The following SLCO3A1 variants were observed in gnomAD, a reference collection of about 807,000 sequenced individuals.
SLCO3A1 encodes the protein PGE1 transporter.
Under a neutral mutation model 63.1 loss-of-function variants are expected in SLCO3A1, and 27 were observed. The observed-to-expected ratio is 0.43, with a 90% CI of 0.32 to 0.59. SLCO3A1 has a LOEUF of 0.59. SLCO3A1 is among the 20% of genes least tolerant of loss of function. The pLI, the probability that SLCO3A1 is intolerant of heterozygous loss-of-function variation, is 0.09. For synonymous variants in SLCO3A1, 473 were observed against 409.9 expected (o/e 1.15, Z -1.86); for missense variants, 773 against 945.8 (o/e 0.82, Z 2.40).
At chr15:92,009,549 T>A (rs2046347335) in intron 2 of SLCO3A1, among the ~76,000 whole-genome samples, 1 of 152,204 alleles carries the variant, frequency 6.6e-6, no homozygotes, top group African/African-American at 2.4e-5. Flanking sequence ...GACAGCAGGC[T>A]TTGACACCAT....
chr15:91,964,196 G>A (rs1001397264), intron 2 of SLCO3A1, among the ~76,000 whole-genome samples: 1 of 152,152 alleles, frequency 6.6e-6, no homozygotes, highest in Non-Finnish European at 1.5e-5. Flanking sequence ...GTAGAAACTT[G>A]TTGGAAATGT....
chr15:92,156,452 A>G (rs1225123374), intron 9 of SLCO3A1, among the ~76,000 whole-genome samples: 1 of 152,210 alleles, frequency 6.6e-6, no homozygotes, highest in Non-Finnish European at 1.5e-5. Context: ...CTCTAAAGTC[A>G]GTCACACCTG....
At chr15:92,020,149 A>C (rs1253944833) in intron 2 of SLCO3A1, among the ~76,000 whole-genome samples, 1 of 152,106 alleles carries the variant, frequency 6.6e-6, no homozygotes, top group Non-Finnish European at 1.5e-5. Flanking sequence ...CAAGTTTTTT[A>C]CCAGCCAAGT....
At chr15:92,054,570 C>G (rs1301131195) in intron 2 of SLCO3A1, among the ~76,000 whole-genome samples, 1 of 152,136 alleles carries the variant, frequency 6.6e-6, no homozygotes, top group South Asian at 2.1e-4. Flanking sequence ...GTATTAAGCC[C>G]CATATGCATT....
At chr15:91,866,388 A>G (rs1448515978) in intron 1 of SLCO3A1, among the ~76,000 whole-genome samples, 1 of 152,090 alleles carries the variant, frequency 6.6e-6, no homozygotes, top group East Asian at 1.9e-4. Context: ...CTGAAGCCCT[A>G]TCCGATTCAG....
intron 2 of SLCO3A1, among the ~76,000 whole-genome samples, chr15:91,980,297 G>A (rs1164931052): frequency 6.6e-6 from 1 of 151,926 alleles, no homozygotes; most frequent in Non-Finnish European, 1.5e-5. Context: ...TTATTTTACT[G>A]TGCTGGGTGT....
chr15:91,866,067 G>C (rs1291525596), intron 1 of SLCO3A1, among the ~76,000 whole-genome samples: 1 of 152,148 alleles, frequency 6.6e-6, no homozygotes, highest in Non-Finnish European at 1.5e-5. Context: ...AGGTAACCAT[G>C]TTACTCTCTG....
In SLCO3A1 at chr15:92,165,515, G is replaced by T; in HGVS notation, c.*2380G>T. The T allele has an allele frequency of 1.1e-6, 1 of 877,738 alleles. No homozygotes were observed. Among genetic ancestry groups the T allele is most frequent in the Non-Finnish European group, 1.4e-6 (1 of 737,782 alleles). 54.4% of individuals were successfully genotyped at this position (877,738 alleles called of 1,614,324 possible). A position where few individuals can be genotyped will look rare whatever the true frequency, so the allele number is the denominator to read the frequency against. On this transcript the variant is annotated 3_prime_UTR_variant, in exon 10 of 10. Coordinates refer to ENST00000318445, the MANE Select transcript of SLCO3A1 (RefSeq NM_013272.4). Reference sequence around the variant, plus strand: ...TATTTGCTTTGAGAGAAAAAAAAAAGAAAGTTTTTTAAACTCTTTGCATTT... The same window carrying T: ...TATTTGCTTTGAGAGAAAAAAAAAATAAAGTTTTTTAAACTCTTTGCATTT...
intron 2 of SLCO3A1, among the ~76,000 whole-genome samples, chr15:92,072,341 G>T (rs986848873): frequency 6.7e-6 from 1 of 149,866 alleles, no homozygotes; most frequent in Non-Finnish European, 1.5e-5. Flanking sequence ...TGTTGTTGTC[G>T]GCTCATTATA....
At chr15:92,090,249 A>G (rs2047455150) in intron 2 of SLCO3A1, among the ~76,000 whole-genome samples, 1 of 152,232 alleles carries the variant, frequency 6.6e-6, no homozygotes, top group Admixed American at 6.5e-5. Context: ...TGTTGACACC[A>G]TAGGCTACCT....
Position 92,164,230 on chromosome 15 carries a change from T to G in SLCO3A1, c.*1095T>G, listed in dbSNP as rs1262854326. ...CACCAAAAATATGTGATACAAGGGATGCAATTAACCTATTGTAATTTTCAT... is the reference window on the plus strand; with the variant it reads ...CACCAAAAATATGTGATACAAGGGAGGCAATTAACCTATTGTAATTTTCAT... On this transcript the variant is annotated 3_prime_UTR_variant, in exon 10 of 10. Coordinates refer to ENST00000318445, the MANE Select transcript of SLCO3A1 (RefSeq NM_013272.4). 1.0e-6 allele frequency: 1 copy of G among 984,842 alleles called. No homozygotes were observed. Among genetic ancestry groups the G allele is most frequent in the Non-Finnish European group, 1.2e-6 (1 of 829,544 alleles). The allele number at this position is 984,842 out of a possible 1,614,324, so 61.0% of individuals were successfully genotyped here. A position where few individuals can be genotyped will look rare whatever the true frequency, so the allele number is the denominator to read the frequency against.
intron 2 of SLCO3A1, among the ~76,000 whole-genome samples, chr15:92,014,401 C>G (rs2046402604): frequency 6.6e-6 from 1 of 152,112 alleles, no homozygotes; most frequent in South Asian, 2.1e-4. Context: ...GTGAGAATGC[C>G]CCGTGATTAG....
At chr15:91,997,866 G>C (rs2046210131) in intron 2 of SLCO3A1, among the ~76,000 whole-genome samples, 1 of 152,008 alleles carries the variant, frequency 6.6e-6, no homozygotes, top group East Asian at 1.9e-4. Flanking sequence ...AACTCAAGAT[G>C]GATTAAATAT....
intron 2 of SLCO3A1, among the ~76,000 whole-genome samples, chr15:92,080,781 G>C (rs2047334215): frequency 6.6e-6 from 1 of 152,218 alleles, no homozygotes; most frequent in Non-Finnish European, 1.5e-5. Context: ...CATGCTCAGT[G>C]ACTTTGGTCT....
rs569230283 is a variant in SLCO3A1, at chr15:91,854,403, G to T, written c.180+315G>T. The T allele has an allele frequency of 6.7e-6, 7 of 1,037,730 alleles. No homozygotes were observed. In the East Asian group the frequency reaches 3.7e-4, roughly 54 times the overall value. 64.3% of individuals were successfully genotyped at this position (1,037,730 alleles called of 1,614,324 possible). A position where few individuals can be genotyped will look rare whatever the true frequency, so the allele number is the denominator to read the frequency against. ...ATTCCTCTCCCCCCATAAGAGCGGA[G>T]CGAGACGGTGAGTTCAGGGTTCTCC... On this transcript the variant is annotated intron_variant, in intron 1 of 9. Coordinates refer to ENST00000318445, the MANE Select transcript of SLCO3A1 (RefSeq NM_013272.4). The surrounding 1 kb of genome is among the most constrained non-coding windows in gnomAD (Gnocchi z 6.4).
At chr15:91,935,797 C>T (rs937273684) in intron 2 of SLCO3A1, among the ~76,000 whole-genome samples, 24 of 152,158 alleles carry the variant, frequency 1.6e-4, no homozygotes, top group African/African-American at 5.8e-4. Context: ...TTACACTTCT[C>T]ACTGGGCCTC....
intron 2 of SLCO3A1, among the ~76,000 whole-genome samples, chr15:91,991,571 T>G (rs975140501): frequency 6.6e-6 from 1 of 152,246 alleles, no homozygotes; most frequent in Admixed American, 6.5e-5. Flanking sequence ...AATTTTCTAG[T>G]AGCCATGTTT....
chr15:92,094,982 A>G lies in SLCO3A1; in HGVS notation c.745+3A>G. On this transcript the variant is annotated splice_donor_region_variant and intron_variant, in intron 3 of 9. Coordinates refer to ENST00000318445, the MANE Select transcript of SLCO3A1 (RefSeq NM_013272.4). ...GGATGCGGTCTTCATTGACACAAGTAAGGAATATATCTCCATGTCTACCTT... is the reference window on the plus strand; with the variant it reads ...GGATGCGGTCTTCATTGACACAAGTGAGGAATATATCTCCATGTCTACCTT... 2 of 1,575,130 alleles carry G rather than the reference A, an allele frequency of 1.3e-6. No homozygotes were observed. The highest frequency in any genetic ancestry group is 2.2e-5 in the East Asian group (1 of 44,686).
At chr15:92,001,722 G>A (rs1171718254) in intron 2 of SLCO3A1, among the ~76,000 whole-genome samples, 3 of 151,398 alleles carry the variant, frequency 2.0e-5, no homozygotes, top group Non-Finnish European at 4.4e-5. Context: ...ATGTATTAAA[G>A]ATCTCTATCC....
Sources: gnomAD v4.1 joint callset for allele counts (sites outside exome capture counted in the v4.1 genomes callset) on GRCh38, gnomAD v4.1.1 for gene constraint, Gnocchi (gnomAD v3.1) non-coding constraint, MANE v1.5 for transcripts, NCBI Gene and HGNC (gene_info 2026-07-23, HGNC 2026-07-21) for gene names.